Variants in SH3TC2 observed in about 807,000 individuals in gnomAD.
SH3TC2 encodes SH3 domain and tetratricopeptide repeat-containing protein 2.
SH3TC2 carries 87 observed loss-of-function variants against 124.5 expected under a neutral mutation model. The observed-to-expected ratio is 0.70, with a 90% CI of 0.59 to 0.84. The LOEUF (loss-of-function observed/expected upper bound fraction) is 0.84. Among genes scored for constraint, SH3TC2 ranks in the 40% least tolerant of loss-of-function variants. The pLI is 0.00. For synonymous variants in SH3TC2, 634 were observed against 628.5 expected (o/e 1.01, Z -0.13); for missense variants, 1,536 against 1,566.4 (o/e 0.98, Z 0.33).
intron 8 of SH3TC2, among the ~76,000 whole-genome samples, chr5:149,038,069 C>G (rs1227414446): frequency 1.3e-5 from 2 of 152,190 alleles, no homozygotes; most frequent in African/African-American, 4.8e-5. Context: ...TTTTGCTTCC[C>G]TCCTTGCACA....
Position 149,038,719 on chromosome 5 carries a change from C to A in SH3TC2, c.806-229G>T, listed in dbSNP as rs149917269. Among the ~76,000 whole-genome samples the A allele has an allele frequency of 3.0e-3, 456 of 152,202 alleles. 2 individuals are homozygous for A. Among genetic ancestry groups the A allele is most frequent in the African/African-American group, 0.011 (439 of 41,512 alleles). ...TAAAAGAACTACAATCCACTTTCAC[C>A]AAAGAAAAAATGTTTTAACAAACAC... is the stretch of plus-strand genomic sequence containing the variant. On this transcript the variant is annotated intron_variant, in intron 7 of 16. Transcript: ENST00000515425.
At chr5:149,062,667 G>C (rs552329133) in intron 1 of SH3TC2, among the ~76,000 whole-genome samples, 59 of 152,322 alleles carry the variant, frequency 3.9e-4, no homozygotes, top group African/African-American at 1.3e-3. Context: ...ATCTCGGGAA[G>C]AAAGGAAGGA....
chr5:149,010,712 C>T (rs748298282), intron 13 of SH3TC2, among the ~76,000 whole-genome samples: 10 of 151,894 alleles, frequency 6.6e-5, no homozygotes, highest in Admixed American at 1.3e-4. Flanking sequence ...ATGCATCCAA[C>T]CTGCAACTTT....
chr5:149,004,915 T>C lies in SH3TC2; in HGVS notation c.3676-13A>G, dbSNP rs1753660598. The C allele has an allele frequency of 1.2e-6, 2 of 1,613,994 alleles. No homozygotes were observed. The highest frequency in any genetic ancestry group is 1.7e-6 in the Non-Finnish European group (2 of 1,179,968). ...CATCATGGGCATCCTAACCCCGTGG[T>C]ATGGGGGCAAAGAAGAGACAGCATT... On this transcript the variant is annotated splice_polypyrimidine_tract_variant and intron_variant, in intron 16 of 16. Transcript: ENST00000515425.
rs1480063117 is a variant in SH3TC2, at chr5:149,031,699, C to A, written c.1002-12G>T. 9 of 1,613,576 alleles carry A rather than the reference C, an allele frequency of 5.6e-6. No individual in the cohort carries two copies. Among genetic ancestry groups the A allele is most frequent in the Non-Finnish European group, 6.8e-6 (8 of 1,179,964 alleles). On this transcript the variant is annotated splice_polypyrimidine_tract_variant and intron_variant, in intron 8 of 16. Coordinates refer to ENST00000515425, the MANE Select transcript of SH3TC2 (RefSeq NM_024577.4). ...CAGAGTTCCTGCTCCTGCATCGGGG[C>A]AAAAAACACAGAGACAGATTACTGC...
chr5:148,987,013 T>A lies in SH3TC2; in HGVS notation c.*17698A>T, dbSNP rs201572648. ...CTAAAATGATTTTTGGAAAATGAAA[T>A]ATTAATTCCCCAGCTAATGTATTTC... On this transcript the variant is annotated 3_prime_UTR_variant, in exon 17 of 17. Coordinates refer to ENST00000515425, the MANE Select transcript of SH3TC2 (RefSeq NM_024577.4). Among the ~76,000 whole-genome samples, 2 of 152,218 alleles carry A rather than the reference T, an allele frequency of 1.3e-5. No individual in the cohort carries two copies. The highest frequency in any genetic ancestry group is 3.8e-4 in the East Asian group (2 of 5,198).
rs181983354 is a variant in SH3TC2 at position 149,048,059 on chromosome 5, C to T, written c.152-70G>A. Reference sequence around the variant, plus strand: ...AAAAGGAAGAAAGAGTTAGATTAGCCCACAGTTTCCCCTACATGTATACCT... The same window carrying T: ...AAAAGGAAGAAAGAGTTAGATTAGCTCACAGTTTCCCCTACATGTATACCT... On this transcript the variant is annotated intron_variant, in intron 2 of 16. Transcript: ENST00000515425. The T allele has an allele frequency of 6.2e-4, 987 of 1,598,698 alleles. 4 individuals carry two copies. In the African/African-American group the frequency reaches 0.01, roughly 16 times the overall value.
chr5:149,042,858 G>T, intron 4 of SH3TC2, 21 bp from the exon 5 acceptor site: 1 of 1,613,798 alleles, frequency 6.2e-7, no homozygotes, highest in Non-Finnish European at 8.5e-7. Flanking sequence ...AAGCCAACAA[G>T]ATTTCTGAAC....
chr5:149,054,551 ATCT>A (rs1446430044), intron 1 of SH3TC2, among the ~76,000 whole-genome samples: 3 of 140,678 alleles, frequency 2.1e-5, no homozygotes, highest in Admixed American at 7.4e-5. Flanking sequence ...ACCCACAAAC[ATCT>A]TCTTTATTTT....
At chr5:149,030,342 G>A (rs1164818445) in intron 9 of SH3TC2, among the ~76,000 whole-genome samples, 1 of 152,230 alleles carries the variant, frequency 6.6e-6, no homozygotes, top group East Asian at 1.9e-4. Flanking sequence ...ACCATAAGGT[G>A]CGGACTGCAC....
intron 12 of SH3TC2, among the ~76,000 whole-genome samples, chr5:149,022,689 C>T (rs1426352815): frequency 6.6e-6 from 1 of 152,106 alleles, no homozygotes; most frequent in Non-Finnish European, 1.5e-5. Flanking sequence ...ATCAGTACAA[C>T]AAAATATTAT....
Position 148,988,674 on chromosome 5 carries a change from C to G in SH3TC2, c.*16037G>C, listed in dbSNP as rs1255280982. ...ATCTTCGATGCCCAGCCCAGAGGAG[C>G]CTTTGATGACTCCAGCTCTGGCCAC... On this transcript the variant is annotated 3_prime_UTR_variant, in exon 17 of 17. Transcript: ENST00000515425. Among the ~76,000 whole-genome samples the G allele has an allele frequency of 6.6e-6, 1 of 152,184 alleles. No homozygotes were observed. Among genetic ancestry groups the G allele is most frequent in the Non-Finnish European group, 1.5e-5 (1 of 68,034 alleles).
intron 1 of SH3TC2, among the ~76,000 whole-genome samples, chr5:149,054,982 G>A (rs171636): frequency 0.2 from 30,094 of 152,088 alleles, 3,405 homozygotes; most frequent in African/African-American, 0.29. Flanking sequence ...GCAGAAAATT[G>A]CAAGGTTTTG....
In SH3TC2 at chr5:149,062,626, A is replaced by G. The variant is rs529995557; in HGVS notation, c.52+345T>C. On this transcript the variant is annotated intron_variant, in intron 1 of 16. Transcript: ENST00000515425. ...CCACCCATAGGCCACAGAGGAACTC[A>G]CTGCCTGAACTTTCTTCCTGTCCTG... 9.5e-4 allele frequency among the ~76,000 whole-genome samples: 144 copies of G among 152,334 alleles called. 1 individual carries two copies. Among genetic ancestry groups the G allele is most frequent in the Non-Finnish European group, 1.0e-4 (7 of 68,016 alleles).
chr5:149,012,847 C>G, intron 12 of SH3TC2, 113 bp from the exon 13 acceptor site: 13 of 1,216,200 alleles, frequency 1.1e-5, no homozygotes, highest in Non-Finnish European at 1.6e-5. Flanking sequence ...CCACATCACA[C>G]AGGGAGGTGG....
intron 8 of SH3TC2, among the ~76,000 whole-genome samples, chr5:149,033,560 C>A (rs975674673): frequency 6.6e-6 from 1 of 152,180 alleles, no homozygotes; most frequent in East Asian, 1.9e-4. Context: ...TGGGGTTGAC[C>A]TTCTAATGCC....
In SH3TC2 at chr5:149,001,206, T is replaced by C. The variant is rs1753591510; in HGVS notation, c.*3505A>G. The C allele has an allele frequency of 6.6e-6, 1 of 151,926 alleles. No homozygotes were observed. The highest frequency in any genetic ancestry group is 1.5e-5 in the Non-Finnish European group (1 of 68,004). 9.4% of individuals were successfully genotyped at this position (151,926 alleles called of 1,614,324 possible). The stretch of plus-strand genomic sequence containing the variant: ...CATACATATATATACACATGCACAA[T>C]ATAAAGGCATCTTAAAATAATGGAA... On this transcript the variant is annotated 3_prime_UTR_variant, in exon 17 of 17. Coordinates refer to ENST00000515425, the MANE Select transcript of SH3TC2 (RefSeq NM_024577.4).
Position 149,059,480 on chromosome 5 carries a change from GT to G in SH3TC2, c.52+3490del, listed in dbSNP as rs145170004. ...CTAAACAGTAAACATTTATCTGCAT[GT>G]TTTTTTTTTCCTGTACCCACATTTT... On this transcript the variant is annotated intron_variant, in intron 1 of 16. Coordinates refer to ENST00000515425, the MANE Select transcript of SH3TC2 (RefSeq NM_024577.4). 5.8e-3 allele frequency among the ~76,000 whole-genome samples: 855 copies of G among 148,626 alleles called. 13 individuals are homozygous for G. The highest frequency in any genetic ancestry group is 0.02 in the African/African-American group (794 of 40,550).
chr5:149,003,649 T>C lies in SH3TC2; in HGVS notation c.*1062A>G. ...GGCCACTCAGTGTGCTATGCAGTGA[T>C]GTTATTAATAGAGATGCTTTGTAAA... On this transcript the variant is annotated 3_prime_UTR_variant, in exon 17 of 17. Transcript: ENST00000515425. 3.1e-6 allele frequency: 1 copy of C among 321,060 alleles called. No individual in the cohort carries two copies. The highest frequency in any genetic ancestry group is 6.3e-6 in the Non-Finnish European group (1 of 159,242). 19.9% of individuals were successfully genotyped at this position (321,060 alleles called of 1,614,324 possible).
Sources: allele counts gnomAD v4.1 joint callset (sites outside exome capture counted in the v4.1 genomes callset), GRCh38; gene constraint gnomAD v4.1.1; transcripts MANE v1.5; gene names NCBI Gene and HGNC (gene_info 2026-07-23, HGNC 2026-07-21).